ZDHHC20: variants seen among roughly 807,000 people sequenced by gnomAD.
ZDHHC20 encodes the protein palmitoyltransferase ZDHHC20.
ZDHHC20 carries 43 observed loss-of-function variants against 57.8 expected under a neutral mutation model. The ratio of observed to expected loss-of-function variants is 0.74; its 90% CI spans 0.58 to 0.96. The LOEUF is 0.96. Among genes scored for constraint, ZDHHC20 ranks in the 40% least tolerant of loss-of-function variants. The pLI, the probability that ZDHHC20 is intolerant of heterozygous loss-of-function variation, is 0.00. For synonymous variants in ZDHHC20, 157 were observed against 153.0 expected, an observed-to-expected ratio of 1.03 and a Z score of -0.19; for missense variants, 391 against 441.1, an observed-to-expected ratio of 0.89 and a Z score of 1.02.
chr13:21,440,884 G>A (rs1339326207), intron 1 of ZDHHC20, among the ~76,000 whole-genome samples: 3 of 151,254 alleles, frequency 2.0e-5, no homozygotes, highest in Admixed American at 6.6e-5. Context: ...AGACCACACA[G>A]TTTAAAAAAA....
intron 4 of ZDHHC20, among the ~76,000 whole-genome samples, chr13:21,408,981 T>C (rs1170149745): frequency 6.6e-6 from 1 of 152,238 alleles, no homozygotes; most frequent in African/African-American, 2.4e-5. Context: ...GTGGATAAGC[T>C]TTTTAATGTG....
chr13:21,446,612 T>G (rs1483744051), intron 1 of ZDHHC20, among the ~76,000 whole-genome samples: 2 of 152,240 alleles, frequency 1.3e-5, no homozygotes, highest in Admixed American at 6.5e-5. Flanking sequence ...TGGATCTCTA[T>G]TTAAGGGAAT....
At chr13:21,448,397 C>A (rs1593283607) in intron 1 of ZDHHC20, among the ~76,000 whole-genome samples, 2 of 107,522 alleles carry the variant, frequency 1.9e-5, no homozygotes, top group African/African-American at 6.1e-5. Flanking sequence ...CGGCCAGCCG[C>A]CCCGTCCGGG....
At position 21,413,776 on chromosome 13, in the gene ZDHHC20, TA is replaced by T; in HGVS notation, c.250-5del. On this transcript the variant is annotated splice_polypyrimidine_tract_variant and splice_region_variant and intron_variant, in intron 3 of 12. Coordinates refer to ENST00000400590, the MANE Select transcript of ZDHHC20 (RefSeq NM_001330059.2). ...TTTCAGAATTGGACAAGTAGAACTATAAAAGGAAAGAGGACTATTAAATTTT... is the reference window on the plus strand; with the variant it reads ...TTTCAGAATTGGACAAGTAGAACTATAAAGGAAAGAGGACTATTAAATTTT... The T allele has an allele frequency of 6.2e-7, 1 of 1,604,530 alleles. No homozygotes were observed. The highest frequency in any genetic ancestry group is 8.5e-7 in the Non-Finnish European group (1 of 1,176,172).
chr13:21,394,601 T>C (rs1876434110), intron 7 of ZDHHC20, among the ~76,000 whole-genome samples: 1 of 151,972 alleles, frequency 6.6e-6, no homozygotes, highest in African/African-American at 2.4e-5. Flanking sequence ...TTTACAAGTC[T>C]TTTTTTACTC....
chr13:21,386,287 A>G (rs1371834267), intron 9 of ZDHHC20, among the ~76,000 whole-genome samples: 2 of 152,194 alleles, frequency 1.3e-5, no homozygotes, highest in Non-Finnish European at 2.9e-5. Flanking sequence ...AATAGGGGGA[A>G]GGAGATGACA....
At chr13:21,390,671 G>C (rs1186747933) in intron 8 of ZDHHC20, among the ~76,000 whole-genome samples, 1 of 152,136 alleles carries the variant, frequency 6.6e-6, no homozygotes, top group South Asian at 2.1e-4. Flanking sequence ...AGGCCGAAGT[G>C]GGAGGATCAC....
At chr13:21,454,962 C>A (rs557523066) in intron 1 of ZDHHC20, among the ~76,000 whole-genome samples, 67 of 152,216 alleles carry the variant, frequency 4.4e-4, no homozygotes, top group Middle Eastern at 3.4e-3. Context: ...GCTCTGTCGC[C>A]CAGGCTGGAG....
chr13:21,376,425 C>T lies in ZDHHC20; in HGVS notation c.*271G>A. The stretch of plus-strand genomic sequence containing the variant: ...ACTCATAACAGGTAAGTATTATTTC[C>T]AGAATAACATTAAGTCACTTTTGTA... On this transcript the variant is annotated 3_prime_UTR_variant, in exon 13 of 13. Transcript: ENST00000400590. 6.4e-6 allele frequency: 2 copies of T among 313,536 alleles called. No homozygotes were observed. The highest frequency in any genetic ancestry group is 6.0e-6 in the Non-Finnish European group (1 of 165,706). 19.4% of individuals were successfully genotyped at this position (313,536 alleles called of 1,614,324 possible).
intron 7 of ZDHHC20, among the ~76,000 whole-genome samples, chr13:21,396,960 T>C (rs1267432081): frequency 6.6e-6 from 1 of 152,216 alleles, no homozygotes; most frequent in Non-Finnish European, 1.5e-5. Context: ...TTGTGAGATA[T>C]ATGCGTTGTA....
rs1292265598 is a variant in ZDHHC20, at chr13:21,375,532, T to A, written c.*1164A>T. On this transcript the variant is annotated 3_prime_UTR_variant, in exon 13 of 13. Coordinates refer to ENST00000400590, the MANE Select transcript of ZDHHC20 (RefSeq NM_001330059.2). ...GCCGTTAGGAAGTCAGACTTCAGAC[T>A]GTGCGTCTAAGAGTAGAATCCACTT... 1.2e-5 allele frequency: 2 copies of A among 169,358 alleles called. No individual in the cohort carries two copies. The highest frequency in any genetic ancestry group is 4.8e-5 in the African/African-American group (2 of 41,552). 10.5% of individuals were successfully genotyped at this position (169,358 alleles called of 1,614,324 possible). A position where few individuals can be genotyped will look rare whatever the true frequency, so the allele number is the denominator to read the frequency against.
At chr13:21,382,711 G>A (rs570227049) in intron 10 of ZDHHC20, among the ~76,000 whole-genome samples, 14 of 152,052 alleles carry the variant, frequency 9.2e-5, no homozygotes, top group South Asian at 8.3e-4. Context: ...TTTCCTACTC[G>A]TAAGTGTTCT....
At chr13:21,431,800 C>T (rs963855050) in intron 1 of ZDHHC20, among the ~76,000 whole-genome samples, 1 of 152,220 alleles carries the variant, frequency 6.6e-6, no homozygotes, top group Non-Finnish European at 1.5e-5. Context: ...TGGTGCCCCT[C>T]TTTTAACTGT....
intron 7 of ZDHHC20, among the ~76,000 whole-genome samples, chr13:21,399,918 G>C (rs1404091627): frequency 6.6e-6 from 1 of 151,954 alleles, no homozygotes; most frequent in African/African-American, 2.4e-5. Context: ...CAGTTGATAA[G>C]ACATTTGATT....
intron 9 of ZDHHC20, 23 bp downstream of exon 9, chr13:21,387,485 G>C: frequency 6.8e-7 from 1 of 1,478,456 alleles, no homozygotes; most frequent in Non-Finnish European, 9.0e-7. Flanking sequence ...CATAATCTCT[G>C]AGACCCACAT....
At chr13:21,395,521 A>G (rs546121983) in intron 7 of ZDHHC20, among the ~76,000 whole-genome samples, 2 of 128,294 alleles carry the variant, frequency 1.6e-5, no homozygotes, top group African/African-American at 2.9e-5. Context: ...TTTGAGACAG[A>G]GTCTTGCTCT....
chr13:21,374,728 CCAAATTATAAA>C lies in ZDHHC20; in HGVS notation c.*1957_*1967del, dbSNP rs1408441154. The C allele has an allele frequency of 4.3e-6, 1 of 233,210 alleles. No individual in the cohort carries two copies. Among genetic ancestry groups the C allele is most frequent in the Admixed American group, 4.9e-5 (1 of 20,318 alleles). 14.4% of individuals were successfully genotyped at this position (233,210 alleles called of 1,614,324 possible). A position where few individuals can be genotyped will look rare whatever the true frequency, so the allele number is the denominator to read the frequency against. Reference sequence around the variant, plus strand: ...ATTAGTATGGCTGATGGAAATTAGGCCAAATTATAAACAAATTATAAACCTACAGTAGCAAC... The same window carrying C: ...ATTAGTATGGCTGATGGAAATTAGGCCAAATTATAAACCTACAGTAGCAAC... On this transcript the variant is annotated 3_prime_UTR_variant, in exon 13 of 13. Coordinates refer to ENST00000400590, the MANE Select transcript of ZDHHC20 (RefSeq NM_001330059.2).
chr13:21,396,489 T>C (rs1358839527), intron 7 of ZDHHC20, among the ~76,000 whole-genome samples: 1 of 151,992 alleles, frequency 6.6e-6, no homozygotes, highest in African/African-American at 2.4e-5. Context: ...TTTAAAAATA[T>C]AAAACTTTGA....
chr13:21,376,497 A>G lies in ZDHHC20; in HGVS notation c.*199T>C, dbSNP rs577426839. The G allele has an allele frequency of 2.5e-5, 11 of 439,010 alleles. No individual in the cohort carries two copies. The highest frequency in any genetic ancestry group is 2.0e-4 in the African/African-American group (10 of 48,926). The allele number at this position is 439,010 out of a possible 1,614,324, so 27.2% of individuals were successfully genotyped here. A position where few individuals can be genotyped will look rare whatever the true frequency, so the allele number is the denominator to read the frequency against. On this transcript the variant is annotated 3_prime_UTR_variant, in exon 13 of 13. Coordinates refer to ENST00000400590, the MANE Select transcript of ZDHHC20 (RefSeq NM_001330059.2). ...AATGGACACTTAAGATTAAGGCATC[A>G]TTCTGCTCTGGAGTAGTGCTTCTGT...
Sources: gnomAD v4.1 joint callset for allele counts (sites outside exome capture counted in the v4.1 genomes callset) on GRCh38, gnomAD v4.1.1 for gene constraint, MANE v1.5 for transcripts, NCBI Gene and HGNC (gene_info 2026-07-23, HGNC 2026-07-21) for gene names.